The following ZNF385D variants were observed in gnomAD, a reference collection of about 807,000 sequenced individuals.
ZNF385D encodes the protein zinc finger protein 659.
ZNF385D carries 15 observed loss-of-function variants against 35.8 expected under a neutral mutation model. The ratio of observed to expected loss-of-function variants is 0.42; its 90% CI spans 0.28 to 0.64. ZNF385D has a LOEUF of 0.64. Among genes scored for constraint, ZNF385D ranks in the 30% least tolerant of loss-of-function variants. The probability of loss-of-function intolerance (pLI) is 0.23; values close to 1 mark genes in which losing one functional copy is unlikely to be tolerated. For missense variants in ZNF385D, 474 were observed against 494.6 expected (o/e 0.96, Z 0.39); for synonymous variants, 212 against 186.8 (o/e 1.13, Z -1.10).
rs1395210925 is a variant in ZNF385D at position 21,986,134 on chromosome 3, A to T, written c.325+182683T>A. On this transcript the variant is annotated intron_variant, in intron 3 of 5. Transcript: ENST00000494108. Reference sequence around the variant, plus strand: ...AAAAAACCAGCTCCTGGATTCATTGATTTTTTGAAGGGTTTTTTGTGTCTC... The same window carrying T: ...AAAAAACCAGCTCCTGGATTCATTGTTTTTTTGAAGGGTTTTTTGTGTCTC... Among the ~76,000 whole-genome samples, 51 of 80,942 alleles carry T rather than the reference A, an allele frequency of 6.3e-4. 5 individuals carry two copies. The highest frequency in any genetic ancestry group is 8.7e-5 in the Non-Finnish European group (4 of 45,994). 53.1% of individuals were successfully genotyped at this position (80,942 alleles called of 152,430 possible).
intron 3 of ZNF385D, among the ~76,000 whole-genome samples, chr3:22,041,614 A>C (rs1280867048): frequency 6.6e-6 from 1 of 152,156 alleles, no homozygotes; most frequent in East Asian, 1.9e-4. Context: ...TGATCTGAAC[A>C]CTAAAATAGG....
chr3:21,646,300 C>T lies in ZNF385D; in HGVS notation c.165+18586G>A, dbSNP rs774898616. Among the ~76,000 whole-genome samples the T allele has an allele frequency of 9.2e-5, 14 of 152,168 alleles. No homozygotes were observed. Among genetic ancestry groups the T allele is most frequent in the South Asian group, 2.1e-4 (1 of 4,826 alleles). On this transcript the variant is annotated intron_variant, in intron 2 of 7. Transcript: ENST00000281523. This position sits in a 1 kb window ranked among gnomAD's most constrained non-coding sequence, Gnocchi z 4.3. ...TTATGGACCTGCTTATTTGTGATTG[C>T]GCTTATTACTGTATGTACATCTCAC...
chr3:21,871,214 C>G (rs1697674192), intron 3 of ZNF385D, among the ~76,000 whole-genome samples: 1 of 152,064 alleles, frequency 6.6e-6, no homozygotes, highest in Non-Finnish European at 1.5e-5. Flanking sequence ...CTCCCTCTAC[C>G]TAGAACATTC....
intron 3 of ZNF385D, among the ~76,000 whole-genome samples, chr3:22,050,809 G>A (rs999817396): frequency 6.6e-6 from 1 of 152,066 alleles, no homozygotes; most frequent in Non-Finnish European, 1.5e-5. Context: ...CAAAAATAAC[G>A]AATATCTGTT....
At chr3:21,552,864 G>A (rs1169444954) in intron 3 of ZNF385D, among the ~76,000 whole-genome samples, 1 of 152,146 alleles carries the variant, frequency 6.6e-6, no homozygotes, top group East Asian at 1.9e-4. Context: ...AAATAAAGTT[G>A]TTAATCAGCT....
intron 3 of ZNF385D, among the ~76,000 whole-genome samples, chr3:21,837,265 T>C (rs781210921): frequency 2.0e-5 from 3 of 152,098 alleles, no homozygotes; most frequent in Non-Finnish European, 4.4e-5. Flanking sequence ...ATAAAAACCA[T>C]TCAAAATTTA....
At chr3:22,021,567 T>C (rs1015038370) in intron 3 of ZNF385D, among the ~76,000 whole-genome samples, 5 of 152,094 alleles carry the variant, frequency 3.3e-5, no homozygotes, top group African/African-American at 9.7e-5. Flanking sequence ...AGTTTTCTTA[T>C]ATACTTTTGT....
intron 3 of ZNF385D, among the ~76,000 whole-genome samples, chr3:22,005,524 G>C (rs1402608621): frequency 6.6e-6 from 1 of 152,024 alleles, no homozygotes; most frequent in Admixed American, 6.6e-5. Flanking sequence ...ATAAATGTTA[G>C]AGGTGATAGA....
intron 3 of ZNF385D, among the ~76,000 whole-genome samples, chr3:21,766,565 C>T (rs972889879): frequency 2.0e-5 from 3 of 152,034 alleles, no homozygotes; most frequent in Non-Finnish European, 4.4e-5. Flanking sequence ...TATATATCTG[C>T]TTTAAGATGC....
intron 2 of ZNF385D, among the ~76,000 whole-genome samples, chr3:22,267,427 A>G (rs1419876104): frequency 2.0e-5 from 3 of 151,808 alleles, no homozygotes; most frequent in East Asian, 1.9e-4. Flanking sequence ...AAAAAAAAAT[A>G]TAAGGTAAAG....
intron 1 of ZNF385D, among the ~76,000 whole-genome samples, chr3:21,717,316 A>G (rs1444455083): frequency 6.6e-6 from 1 of 152,194 alleles, no homozygotes; most frequent in African/African-American, 2.4e-5. Flanking sequence ...GAGGAGCAGA[A>G]AAGGTATGCA....
chr3:21,669,468 A>G (rs2066497914), intron 1 of ZNF385D, among the ~76,000 whole-genome samples: 2 of 152,216 alleles, frequency 1.3e-5, no homozygotes, highest in Admixed American at 1.3e-4. Context: ...GTGAATATGA[A>G]AAAACAAAAA....
At position 22,123,343 on chromosome 3, in the gene ZNF385D, G is replaced by A. The variant is rs147962748; in HGVS notation, c.325+45474C>T. Among the ~76,000 whole-genome samples the A allele has an allele frequency of 2.6e-5, 4 of 152,140 alleles. No individual in the cohort carries two copies. The East Asian group carries it at 7.7e-4, about 29-fold the overall frequency. ...ATAATTAGTTTTTAAAATCTTTATGGGTACATGGTAGATGTATATATTTAC... is the reference window on the plus strand; with the variant it reads ...ATAATTAGTTTTTAAAATCTTTATGAGTACATGGTAGATGTATATATTTAC... On this transcript the variant is annotated intron_variant, in intron 3 of 5. Transcript: ENST00000494108.
At chr3:21,435,464 C>A (rs1263305171) in intron 5 of ZNF385D, among the ~76,000 whole-genome samples, 1 of 151,878 alleles carries the variant, frequency 6.6e-6, no homozygotes, top group Non-Finnish European at 1.5e-5. Context: ...GGGGGTCTCC[C>A]TTTGTTGCCC....
intron 2 of ZNF385D, among the ~76,000 whole-genome samples, chr3:22,251,384 A>T (rs760303059): frequency 1.3e-5 from 2 of 152,180 alleles, no homozygotes; most frequent in Non-Finnish European, 2.9e-5. Context: ...AAACAAACAA[A>T]CAAATATAAT....
At chr3:22,269,199 A>G (rs1412723799) in intron 2 of ZNF385D, among the ~76,000 whole-genome samples, 1 of 152,010 alleles carries the variant, frequency 6.6e-6, no homozygotes, top group Non-Finnish European at 1.5e-5. Flanking sequence ...TTATATCCCC[A>G]GCACTAATCA....
At chr3:22,328,752 C>T (rs1379624709) in intron 2 of ZNF385D, among the ~76,000 whole-genome samples, 1 of 147,786 alleles carries the variant, frequency 6.8e-6, no homozygotes, top group African/African-American at 2.5e-5. Flanking sequence ...CACAGCAAGA[C>T]TCCATCGCCA....
intron 1 of ZNF385D, among the ~76,000 whole-genome samples, chr3:21,702,207 T>C (rs2067714725): frequency 6.6e-6 from 1 of 152,214 alleles, no homozygotes; most frequent in South Asian, 2.1e-4. Context: ...ATATATCTTC[T>C]GAAATCTAGC....
intron 3 of ZNF385D, among the ~76,000 whole-genome samples, chr3:22,092,833 A>C (rs1382595915): frequency 2.0e-5 from 3 of 152,190 alleles, no homozygotes; most frequent in Non-Finnish European, 4.4e-5. Context: ...AGAAAAAAAG[A>C]AAGTACTAAC....
Sources: gnomAD v4.1 joint callset for allele counts (sites outside exome capture counted in the v4.1 genomes callset) on GRCh38, gnomAD v4.1.1 for gene constraint, Gnocchi (gnomAD v3.1) non-coding constraint, MANE v1.5 for transcripts, NCBI Gene and HGNC (gene_info 2026-07-23, HGNC 2026-07-21) for gene names.